The following CCDC33 variants were observed in gnomAD, a reference collection of about 807,000 sequenced individuals.
The protein encoded by CCDC33 is coiled-coil domain containing 33.
Under a neutral mutation model 91.9 loss-of-function variants are expected in CCDC33, and 94 were observed. The ratio of observed to expected loss-of-function variants is 1.02; its 90% CI spans 0.87 to 1.21. The LOEUF is 1.21. Ranked by LOEUF, CCDC33 falls within the 50% of genes most tolerant of loss-of-function variation. CCDC33 has a pLI of 0.00. For missense variants in CCDC33, 940 were observed against 935.5 expected (o/e 1.00, Z -0.06); for synonymous variants, 396 against 374.5 (o/e 1.06, Z -0.66).
chr15:74,211,305 G>A (rs2074365396), intron 2 of CCDC33, among the ~76,000 whole-genome samples: 4 of 151,846 alleles, frequency 2.6e-5, no homozygotes, highest in Admixed American at 2.0e-4. Context: ...CAAATTGCAG[G>A]ATTGGGACAC....
At chr15:74,217,518 CAGCAGG>C (rs1567209966) in exon 1 of CCDC33, 1 of 1,286,158 alleles carries the variant, frequency 7.8e-7, no homozygotes, top group South Asian at 1.2e-5. Flanking sequence ...TGTCATTGAG[CAGCAGG>C]AGCCTGGCCA....
intron 6 of CCDC33, among the ~76,000 whole-genome samples, 170 bp from the exon 7 acceptor site, chr15:74,272,601 T>C (rs2076347327): frequency 6.6e-6 from 1 of 152,222 alleles, no homozygotes; most frequent in African/African-American, 2.4e-5. Context: ...AGATGATTGA[T>C]GCACGCCCAG....
In CCDC33 at chr15:74,332,584, G is replaced by A. The variant is rs963344949; in HGVS notation, c.1772-95G>A. The A allele has an allele frequency of 3.0e-6, 4 of 1,317,380 alleles. No individual in the cohort carries two copies. The Admixed American group carries it at 5.7e-5, about 19-fold the overall frequency. The allele number at this position is 1,317,380 out of a possible 1,614,324, so 81.6% of individuals were successfully genotyped here. A position where few individuals can be genotyped will look rare whatever the true frequency, so the allele number is the denominator to read the frequency against. Reference sequence around the variant, plus strand: ...TGAAGGCTTGGGAGTAGAGGGGAGGGGTGGCAGATTGAAGCAAAATGCTGG... The same window carrying A: ...TGAAGGCTTGGGAGTAGAGGGGAGGAGTGGCAGATTGAAGCAAAATGCTGG... On this transcript the variant is annotated intron_variant, in intron 15 of 18. Transcript: ENST00000398814.
At chr15:74,307,676 G>A (rs943548683) in intron 11 of CCDC33, among the ~76,000 whole-genome samples, 7 of 151,946 alleles carry the variant, frequency 4.6e-5, no homozygotes, top group African/African-American at 1.7e-4. Context: ...ACCCCCTGCC[G>A]AGTTCCACCT....
intron 1 of CCDC33, chr15:74,217,609 A>G: frequency 8.4e-7 from 1 of 1,193,452 alleles, no homozygotes; most frequent in Non-Finnish European, 1.1e-6. Context: ...GGTTTGGGGG[A>G]GAGAAAGACC....
At position 74,332,807 on chromosome 15, in the gene CCDC33, C is replaced by G. The variant is rs370508048; in HGVS notation, c.1900C>G (p.Gln634Glu). The stretch of plus-strand genomic sequence containing the variant: ...GACGGAGCTGGATAAGAACCGCCAC[C>G]AGCAGGCCCCCATCATTCTGCAGCA... ...LRTELDKNRH[Q>E]QAPIILQQQA... The change falls in exon 16 of 19, where the codon CAG (glutamine) becomes GAG (glutamate). Residue 634 changes from glutamine to glutamate, a missense_variant. Transcript: ENST00000398814. 6.2e-7 allele frequency: 1 copy of G among 1,614,172 alleles called. No homozygotes were observed. Among genetic ancestry groups the G allele is most frequent in the African/African-American group, 1.3e-5 (1 of 75,060 alleles).
At chr15:74,239,302 C>T (rs2075274511) in intron 1 of CCDC33, among the ~76,000 whole-genome samples, 1 of 152,102 alleles carries the variant, frequency 6.6e-6, no homozygotes, top group Admixed American at 6.5e-5. Flanking sequence ...AAGTTAAGCA[C>T]CCCCCAACCC....
At chr15:74,309,787 AC>A (rs1209826113) in intron 11 of CCDC33, among the ~76,000 whole-genome samples, 1 of 151,614 alleles carries the variant, frequency 6.6e-6, no homozygotes, top group East Asian at 1.9e-4. Flanking sequence ...CCCGTTCCAG[AC>A]CCCCCAAGTC....
At chr15:74,236,830 G>A (rs540436161) in intron 1 of CCDC33, 90 bp downstream of exon 1, 2 of 1,305,336 alleles carry the variant, frequency 1.5e-6, no homozygotes, top group African/African-American at 1.5e-5. Context: ...CCTTAATCAT[G>A]ACAAAAGCTT....
At chr15:74,301,370 C>T (rs1054006377) in intron 11 of CCDC33, 1 of 152,342 alleles carries the variant, frequency 6.6e-6, no homozygotes, top group African/African-American at 2.4e-5. Flanking sequence ...CCAGAACTCT[C>T]CACCCTGCCA....
chr15:74,314,475 C>T (rs1444494511), intron 11 of CCDC33, among the ~76,000 whole-genome samples: 1 of 152,206 alleles, frequency 6.6e-6, no homozygotes, highest in African/African-American at 2.4e-5. Flanking sequence ...TCATGGCGAC[C>T]TCAAGGCAGA....
intron 11 of CCDC33, among the ~76,000 whole-genome samples, chr15:74,325,554 C>CGGTCTGGGCT (rs1423083310): frequency 1.4e-4 from 21 of 151,064 alleles, no homozygotes; most frequent in Admixed American, 1.2e-3. Context: ...CAAGCAGGGA[C>CGGTCTGGGCT]GGTCTGGGCT....
intron 11 of CCDC33, chr15:74,299,376 T>G (rs1434171206): frequency 6.6e-6 from 1 of 152,366 alleles, no homozygotes; most frequent in African/African-American, 2.4e-5. Context: ...AAGAACACAC[T>G]GACTTACTCG....
chr15:74,303,956 A>G (rs1341721240), intron 11 of CCDC33: 1 of 152,304 alleles, frequency 6.6e-6, no homozygotes, highest in African/African-American at 2.4e-5. Context: ...GTGCTTACCA[A>G]GCATTTTAGC....
intron 1 of CCDC33, among the ~76,000 whole-genome samples, chr15:74,204,177 A>C (rs1345020413): frequency 6.6e-6 from 1 of 152,190 alleles, no homozygotes; most frequent in Non-Finnish European, 1.5e-5. Flanking sequence ...ATTTGATGTA[A>C]TGAGGAGCCC....
intron 5 of CCDC33, among the ~76,000 whole-genome samples, chr15:74,271,332 A>G (rs1595993009): frequency 6.6e-6 from 1 of 152,094 alleles, no homozygotes; most frequent in Admixed American, 6.5e-5. Context: ...ACCTAGCCCT[A>G]CCCCTAGCCC....
upstream of CCDC33, among the ~76,000 whole-genome samples, chr15:74,234,812 G>T (rs1291124970): frequency 6.6e-6 from 1 of 152,268 alleles, no homozygotes; most frequent in East Asian, 1.9e-4. Context: ...GGCAGGCAAG[G>T]TGGCCAGGGC....
intron 2 of CCDC33, among the ~76,000 whole-genome samples, chr15:74,245,812 C>T (rs1256124440): frequency 6.6e-6 from 1 of 152,182 alleles, no homozygotes; most frequent in Non-Finnish European, 1.5e-5. Context: ...GCACCCTTCT[C>T]CAGCTGGGAG....
At chr15:74,318,201 GA>G (rs1483388641) in intron 11 of CCDC33, among the ~76,000 whole-genome samples, 1 of 151,944 alleles carries the variant, frequency 6.6e-6, no homozygotes, top group African/African-American at 2.4e-5. Context: ...AGAGAAAGGG[GA>G]GACAGGGTAT....
Sources: allele counts gnomAD v4.1 joint callset (sites outside exome capture counted in the v4.1 genomes callset), GRCh38; gene constraint gnomAD v4.1.1; transcripts MANE v1.5; gene names NCBI Gene and HGNC (gene_info 2026-07-23, HGNC 2026-07-21).